Variants in FANK1 observed in about 807,000 individuals in gnomAD.
FANK1 encodes fibronectin type 3 and ankyrin repeat domains protein 1.
In FANK1, 44 loss-of-function variants were observed where a neutral mutation model predicts 45.3. That is an observed-to-expected ratio of 0.97 (90% CI 0.76 to 1.25). The LOEUF is 1.25. Ranked by LOEUF, FANK1 falls within the 50% of genes most tolerant of loss-of-function variation. FANK1 has a pLI of 0.00. For synonymous variants in FANK1, 149 were observed against 152.5 expected, an observed-to-expected ratio of 0.98 and a Z score of 0.17; for missense variants, 391 against 424.4, an observed-to-expected ratio of 0.92 and a Z score of 0.69.
At chr10:125,989,299 C>A in intron 3 of FANK1, 1 of 1,550,550 alleles carries the variant, frequency 6.4e-7, no homozygotes, top group Non-Finnish European at 8.7e-7. Context: ...TGAGCAAGAG[C>A]CTTGTAAAAA....
At chr10:125,978,730 C>T (rs554201916) in intron 1 of FANK1, among the ~76,000 whole-genome samples, 1 of 152,058 alleles carries the variant, frequency 6.6e-6, no homozygotes, top group South Asian at 2.1e-4. Context: ...TGCCCCTCCC[C>T]CTGGGAGCTC....
Position 126,009,220 on chromosome 10 carries a change from A to T in FANK1, c.928-2A>T. 1 of 1,614,234 alleles carries T rather than the reference A, an allele frequency of 6.2e-7. No individual in the cohort carries two copies. Among genetic ancestry groups the T allele is most frequent in the Non-Finnish European group, 8.5e-7 (1 of 1,180,040 alleles). On this transcript the variant is annotated splice_acceptor_variant, in intron 9 of 10. Coordinates refer to ENST00000368693, the MANE Select transcript of FANK1 (RefSeq NM_145235.5). LOFTEE classifies it high-confidence loss of function. Reference sequence around the variant, plus strand: ...TAAAATTTTTGTTGTTTCCTGTTTCAGTTCGGCAAAGGTGTCCTAGAAATG... The same window carrying T: ...TAAAATTTTTGTTGTTTCCTGTTTCTGTTCGGCAAAGGTGTCCTAGAAATG...
intron 1 of FANK1, among the ~76,000 whole-genome samples, chr10:125,945,911 G>C (rs1047546856): frequency 3.9e-5 from 6 of 152,184 alleles, no homozygotes; most frequent in African/African-American, 9.7e-5. Flanking sequence ...TCTGAGAACC[G>C]GCAGACTGCC....
intron 1 of FANK1, among the ~76,000 whole-genome samples, chr10:125,966,975 C>A (rs1380686796): frequency 6.6e-6 from 1 of 152,108 alleles, no homozygotes; most frequent in Non-Finnish European, 1.5e-5. Flanking sequence ...CATTTTATGC[C>A]ATTATAATCA....
chr10:125,911,895 C>T lies in FANK1; in HGVS notation c.13+15240C>T, dbSNP rs140389415. On this transcript the variant is annotated intron_variant, in intron 1 of 10. Coordinates refer to ENST00000368693, the MANE Select transcript of FANK1 (RefSeq NM_145235.5). ...TGTTAACCTTATATAGGGCGGGCTCCCTGCACAGAAGGAGGAGATGATATA... is the reference window on the plus strand; with the variant it reads ...TGTTAACCTTATATAGGGCGGGCTCTCTGCACAGAAGGAGGAGATGATATA... Among the ~76,000 whole-genome samples the T allele has an allele frequency of 3.5e-3, 529 of 152,250 alleles. 2 individuals are homozygous for T. The highest frequency in any genetic ancestry group is 9.7e-3 in the Admixed American group (148 of 15,286).
intron 1 of FANK1, among the ~76,000 whole-genome samples, chr10:125,929,364 C>G (rs1947596950): frequency 2.0e-5 from 3 of 152,126 alleles, no homozygotes; most frequent in African/African-American, 7.2e-5. Flanking sequence ...TCCTCTGTTT[C>G]CATAGGAGTC....
At chr10:125,968,302 T>G (rs1950299587) in intron 1 of FANK1, among the ~76,000 whole-genome samples, 1 of 152,176 alleles carries the variant, frequency 6.6e-6, no homozygotes, top group Non-Finnish European at 1.5e-5. Context: ...AAATATCTGA[T>G]CAAGCCATGA....
At chr10:126,008,576 A>C in intron 8 of FANK1, 26 bp downstream of exon 8, 1 of 1,590,852 alleles carries the variant, frequency 6.3e-7, no homozygotes, top group Non-Finnish European at 8.5e-7. Context: ...GAAAATAGGC[A>C]GTTTTCTACG....
At chr10:126,003,108 A>T (rs199942134) in intron 6 of FANK1, among the ~76,000 whole-genome samples, 24 of 144,894 alleles carry the variant, frequency 1.7e-4, no homozygotes, top group African/African-American at 4.1e-4. Context: ...CTCTCTTTAA[A>T]TTTTTTTTTT....
chr10:125,902,509 G>A (rs1300833080), intron 1 of FANK1, among the ~76,000 whole-genome samples: 1 of 152,168 alleles, frequency 6.6e-6, no homozygotes, highest in Non-Finnish European at 1.5e-5. Context: ...ACAACACAAA[G>A]GGCTGTGCTC....
At chr10:125,960,622 G>C (rs1177238509) in intron 1 of FANK1, among the ~76,000 whole-genome samples, 2 of 152,210 alleles carry the variant, frequency 1.3e-5, no homozygotes, top group African/African-American at 4.8e-5. Context: ...CACCTCCCGG[G>C]TTCATGTCAT....
intron 1 of FANK1, among the ~76,000 whole-genome samples, chr10:125,939,974 A>G (rs1027198312): frequency 1.8e-4 from 27 of 151,244 alleles, no homozygotes; most frequent in Non-Finnish European, 3.4e-4. Flanking sequence ...TCTGTTGCCC[A>G]GGCTGGAGTG....
chr10:125,920,641 T>C (rs1042125994), intron 1 of FANK1, among the ~76,000 whole-genome samples: 1 of 152,198 alleles, frequency 6.6e-6, no homozygotes, highest in African/African-American at 2.4e-5. Context: ...GAGTTTGGGC[T>C]CAGCCGCTGT....
chr10:125,933,500 A>T (rs1305121048), intron 1 of FANK1, among the ~76,000 whole-genome samples: 2 of 152,016 alleles, frequency 1.3e-5, no homozygotes, highest in East Asian at 3.9e-4. Context: ...TTTCTTAATG[A>T]GGTTGTCTGG....
chr10:126,008,017 T>C (rs987105898), intron 7 of FANK1, among the ~76,000 whole-genome samples: 2 of 152,144 alleles, frequency 1.3e-5, no homozygotes, highest in African/African-American at 2.4e-5. Context: ...TAAGTATAAG[T>C]GTGTATATAT....
At chr10:125,915,263 A>G (rs1164212847) in intron 1 of FANK1, among the ~76,000 whole-genome samples, 1 of 124,830 alleles carries the variant, frequency 8.0e-6, no homozygotes, top group African/African-American at 3.2e-5. Context: ...TATCATTCAT[A>G]TAGATATAAA....
At chr10:125,948,581 A>T (rs904994328) in intron 1 of FANK1, among the ~76,000 whole-genome samples, 21 of 152,214 alleles carry the variant, frequency 1.4e-4, no homozygotes, top group Non-Finnish European at 2.5e-4. Flanking sequence ...TGAATCTCTG[A>T]ATAGACCAAT....
At chr10:125,971,174 C>A (rs964446145) in intron 1 of FANK1, among the ~76,000 whole-genome samples, 1 of 152,118 alleles carries the variant, frequency 6.6e-6, no homozygotes, top group Admixed American at 6.5e-5. Flanking sequence ...AATTGTTTCA[C>A]CCACATTCTA....
chr10:125,932,011 GTGTT>G (rs927268462), intron 1 of FANK1, among the ~76,000 whole-genome samples: 2 of 152,076 alleles, frequency 1.3e-5, no homozygotes, highest in African/African-American at 4.8e-5. Flanking sequence ...TTGGTTATAA[GTGTT>G]TGGGCTTATT....
Sources: allele counts gnomAD v4.1 joint callset (sites outside exome capture counted in the v4.1 genomes callset), GRCh38; gene constraint gnomAD v4.1.1; transcripts MANE v1.5; gene names NCBI Gene and HGNC (gene_info 2026-07-23, HGNC 2026-07-21).